The following LRCH2 variants were observed in gnomAD, a reference collection of about 807,000 sequenced individuals.
LRCH2 encodes leucine rich repeats and calponin homology domain containing 2.
In LRCH2, 38 loss-of-function variants were observed where a neutral mutation model predicts 68.9. That is an observed-to-expected ratio of 0.55 (90% CI 0.43 to 0.72). The LOEUF (loss-of-function observed/expected upper bound fraction) is 0.72. Ranked by LOEUF, LRCH2 falls within the 30% of genes least tolerant of loss-of-function variation. The pLI, the probability that LRCH2 is intolerant of heterozygous loss-of-function variation, is 0.00. For missense variants in LRCH2, 528 were observed against 572.9 expected, an observed-to-expected ratio of 0.92 and a Z score of 0.80; for synonymous variants, 191 against 208.1, an observed-to-expected ratio of 0.92 and a Z score of 0.71.
At position 115,188,373 on chromosome X, in the gene LRCH2, G is replaced by GA; in HGVS notation, c.350-4dup. 8.6e-7 allele frequency: 1 copy of GA among 1,162,714 alleles called. No individual in the cohort carries two copies. On this transcript the variant is annotated splice_region_variant and splice_polypyrimidine_tract_variant and intron_variant, in intron 1 of 20. Transcript: ENST00000317135. ...TGTAAAACGATTTCTGGAAAGATCT[G>GA]AAAAGAAAATAGTGAGTATTAAACA...
At chrX:115,117,486 A>C (rs1223239996) in intron 20 of LRCH2, among the ~76,000 whole-genome samples, 1 of 111,921 alleles carries the variant, frequency 8.9e-6, no homozygotes, top group Non-Finnish European at 1.9e-5. Flanking sequence ...AAAGACTTGT[A>C]TACAAATGTT....
chrX:115,158,407 T>G (rs1451693897), intron 11 of LRCH2, among the ~76,000 whole-genome samples: 2 of 112,016 alleles, frequency 1.8e-5, no homozygotes, highest in African/African-American at 6.5e-5. Context: ...ATCCACCTAA[T>G]TAGTTATAAC....
intron 2 of LRCH2, among the ~76,000 whole-genome samples, chrX:115,186,664 A>G (rs781886190): frequency 9.0e-6 from 1 of 111,186 alleles, no homozygotes; most frequent in East Asian, 2.8e-4. Flanking sequence ...TTTCCGCAAA[A>G]GAACAAAATG....
intron 1 of LRCH2, among the ~76,000 whole-genome samples, chrX:115,195,719 G>A (rs954489246): frequency 9.0e-6 from 1 of 111,441 alleles, no homozygotes; most frequent in South Asian, 3.8e-4. Flanking sequence ...GCTGGGAACT[G>A]GCAATGAATC....
At chrX:115,219,978 G>A (rs998656002) in intron 1 of LRCH2, among the ~76,000 whole-genome samples, 9 of 110,287 alleles carry the variant, frequency 8.2e-5, no homozygotes, top group African/African-American at 3.0e-4. Flanking sequence ...AATAGTATAG[G>A]AAGTCAGTAT....
rs201592168 is a variant in LRCH2 at position 115,124,124 on chromosome X, TGAAGA to T, written c.1792-127_1792-123del. The T allele has an allele frequency of 1.1e-5, 4 of 363,518 alleles. No homozygotes were observed. In the East Asian group the frequency reaches 1.6e-4, roughly 14 times the overall value. The allele number at this position is 363,518 out of a possible 1,213,427, so 30.0% of individuals were successfully genotyped here. ...GAAATACTTATTTTCCTATGATTAGTGAAGAGAAAAGTAACTTGCATTTCAATTCA... is the reference window on the plus strand; with the variant it reads ...GAAATACTTATTTTCCTATGATTAGTGAAAAGTAACTTGCATTTCAATTCA... On this transcript the variant is annotated intron_variant, in intron 16 of 20. Transcript: ENST00000317135.
At chrX:115,177,302 C>A (rs2072657848) in intron 5 of LRCH2, among the ~76,000 whole-genome samples, 1 of 110,266 alleles carries the variant, frequency 9.1e-6, no homozygotes, top group African/African-American at 3.3e-5. Flanking sequence ...GGGGAAGTTT[C>A]CTGATGGTGA....
intron 1 of LRCH2, chrX:115,190,677 C>A: frequency 8.7e-7 from 1 of 1,148,286 alleles, no homozygotes; most frequent in Non-Finnish European, 1.2e-6. Flanking sequence ...ACAGTTACGG[C>A]CAGAGCCACC....
At chrX:115,189,582 G>T in intron 1 of LRCH2, 1 of 1,172,059 alleles carries the variant, frequency 8.5e-7, no homozygotes. Context: ...AAACCAACAA[G>T]TCGAGGGGCT....
At chrX:115,148,562 A>G (rs2072406574) in intron 14 of LRCH2, among the ~76,000 whole-genome samples, 1 of 112,087 alleles carries the variant, frequency 8.9e-6, no homozygotes. Flanking sequence ...ACCATCAGTC[A>G]TTCACTAAGT....
chrX:115,205,598 C>G (rs1191876608), intron 1 of LRCH2, among the ~76,000 whole-genome samples: 1 of 111,803 alleles, frequency 8.9e-6, no homozygotes, highest in Non-Finnish European at 1.9e-5. Flanking sequence ...CCTGTACTAT[C>G]TGCTCAATTT....
At chrX:115,158,756 A>G (rs1475205102) in intron 11 of LRCH2, among the ~76,000 whole-genome samples, 1 of 112,109 alleles carries the variant, frequency 8.9e-6, no homozygotes, top group Non-Finnish European at 1.9e-5. Context: ...CAAACATGCA[A>G]TGGGAACCAG....
intron 11 of LRCH2, among the ~76,000 whole-genome samples, chrX:115,162,589 A>G (rs1176003705): frequency 8.9e-6 from 1 of 112,173 alleles, no homozygotes; most frequent in Middle Eastern, 4.2e-3. Context: ...ATGATTTTGT[A>G]TATCTATAAA....
intron 11 of LRCH2, among the ~76,000 whole-genome samples, chrX:115,157,173 A>C (rs1569513810): frequency 9.0e-6 from 1 of 111,309 alleles, no homozygotes; most frequent in African/African-American, 3.3e-5. Flanking sequence ...AAAGAAAGAA[A>C]ATGATGAACC....
intron 1 of LRCH2, among the ~76,000 whole-genome samples, chrX:115,212,733 G>C (rs2073016552): frequency 1.8e-5 from 2 of 109,510 alleles, no homozygotes; most frequent in Admixed American, 9.7e-5. Flanking sequence ...CACTTTGGGA[G>C]GCCGAGGAGG....
At chrX:115,153,338 A>T (rs1443724255) in intron 12 of LRCH2, among the ~76,000 whole-genome samples, 4 of 109,489 alleles carry the variant, frequency 3.7e-5, no homozygotes, top group Non-Finnish European at 5.7e-5. Flanking sequence ...AAAAAAATTT[A>T]AAAAAAGACT....
At chrX:115,185,698 A>G (rs1415199401) in intron 2 of LRCH2, among the ~76,000 whole-genome samples, 1 of 111,486 alleles carries the variant, frequency 9.0e-6, no homozygotes, top group Non-Finnish European at 1.9e-5. Context: ...CTTTAATAAC[A>G]CGGCACAAAC....
intron 20 of LRCH2, among the ~76,000 whole-genome samples, chrX:115,119,921 A>T (rs2072121281): frequency 9.0e-6 from 1 of 111,578 alleles, no homozygotes; most frequent in Admixed American, 9.5e-5. Context: ...AAATGGGGAA[A>T]GGATTCCCTA....
rs782770963 is a variant in LRCH2 at position 115,190,608 on chromosome X, C to T, written c.350-2238G>A. On this transcript the variant is annotated intron_variant, in intron 1 of 20. Transcript: ENST00000317135. ...ACCGCTACGGAGAAGAAGGCTGCTA[C>T]GAGGAGTACAGAGGCCGCTCGCCCG... 581 of 1,158,868 alleles carry T rather than the reference C, an allele frequency of 5.0e-4. 1 individual carries two copies. Among genetic ancestry groups the T allele is most frequent in the South Asian group, 6.9e-4 (36 of 52,343 alleles).
Sources: allele counts gnomAD v4.1 joint callset (sites outside exome capture counted in the v4.1 genomes callset), GRCh38; gene constraint gnomAD v4.1.1; transcripts MANE v1.5; gene names NCBI Gene and HGNC (gene_info 2026-07-23, HGNC 2026-07-21).